Variants in ANKRD36 observed in about 807,000 individuals in gnomAD.
The protein encoded by ANKRD36 is ankyrin repeat domain 36.
A neutral mutation model predicts 278.1 loss-of-function variants in ANKRD36; 179 were observed. The observed-to-expected ratio is 0.64, with a 90% CI of 0.57 to 0.73. The LOEUF is 0.73. Ranked by LOEUF, ANKRD36 falls within the 30% of genes least tolerant of loss-of-function variation. The probability of loss-of-function intolerance (pLI) is 0.00; values close to 1 mark genes in which losing one functional copy is unlikely to be tolerated. For missense variants in ANKRD36, 1,159 were observed against 1,956.7 expected, an observed-to-expected ratio of 0.59 and a Z score of 7.69; for synonymous variants, 320 against 641.1, an observed-to-expected ratio of 0.50 and a Z score of 7.57.
chr2:97,156,398 G>A (rs536624013), intron 15 of ANKRD36, among the ~76,000 whole-genome samples: 2,881 of 137,916 alleles, frequency 0.021, 139 homozygotes, highest in African/African-American at 0.069. Flanking sequence ...AGTCCCCAGA[G>A]TGTGATATTC....
intron 75 of ANKRD36, among the ~76,000 whole-genome samples, chr2:97,262,988 G>C (rs1254963981): frequency 2.8e-5 from 4 of 143,824 alleles, no homozygotes; most frequent in Non-Finnish European, 6.0e-5. Context: ...ACAAAAATTT[G>C]TGTTTTTCCG....
chr2:97,129,527 T>G (rs1037137235), intron 6 of ANKRD36, among the ~76,000 whole-genome samples: 1 of 152,174 alleles, frequency 6.6e-6, no homozygotes, highest in Non-Finnish European at 1.5e-5. Flanking sequence ...TTTGGTGTTT[T>G]AGACGTGAAG....
At position 97,113,288 on chromosome 2, in the gene ANKRD36, G is replaced by A. The variant is rs1484163498; in HGVS notation, c.-452G>A. Among the ~76,000 whole-genome samples, 1 of 152,150 alleles carries A rather than the reference G, an allele frequency of 6.6e-6. No individual in the cohort carries two copies. The highest frequency in any genetic ancestry group is 2.4e-5 in the African/African-American group (1 of 41,460). On this transcript the variant is annotated 5_prime_UTR_variant, in exon 1 of 76. Coordinates refer to ENST00000420699, the MANE Select transcript of ANKRD36 (RefSeq NM_001354587.1). ...ACGCAGTGGCGAAGTGGGGCTGTGG[G>A]CCCAGCGGTGGCACCAGGCGGAGAA... is the stretch of plus-strand genomic sequence containing the variant.
intron 67 of ANKRD36, among the ~76,000 whole-genome samples, chr2:97,225,276 T>C (rs1472121194): frequency 6.6e-6 from 1 of 152,022 alleles, no homozygotes; most frequent in Non-Finnish European, 1.5e-5. Context: ...GTTCAAACTT[T>C]GCAGTTTTTT....
At chr2:97,173,575 C>G (rs1415130636) in intron 22 of ANKRD36, among the ~76,000 whole-genome samples, 3 of 151,740 alleles carry the variant, frequency 2.0e-5, no homozygotes, top group African/African-American at 7.3e-5. Context: ...ATGTCACATA[C>G]AGTGGTGGTG....
chr2:97,162,351 G>A (rs1182697737), intron 18 of ANKRD36, among the ~76,000 whole-genome samples: 2 of 151,944 alleles, frequency 1.3e-5, no homozygotes, highest in African/African-American at 4.8e-5. Flanking sequence ...TAAATTATAA[G>A]CCTAATTTTA....
intron 22 of ANKRD36, among the ~76,000 whole-genome samples, chr2:97,176,223 G>A (rs968131074): frequency 2.6e-5 from 4 of 151,718 alleles, no homozygotes; most frequent in Non-Finnish European, 4.4e-5. Context: ...TGACAGTGGG[G>A]TGTTAAAGTC....
At chr2:97,121,571 G>C (rs1257089389) in intron 3 of ANKRD36, among the ~76,000 whole-genome samples, 1 of 151,972 alleles carries the variant, frequency 6.6e-6, no homozygotes, top group Non-Finnish European at 1.5e-5. Flanking sequence ...GCTTGAATCC[G>C]GGAGGCGGAG....
At chr2:97,167,980 C>G (rs1398452484) in intron 22 of ANKRD36, among the ~76,000 whole-genome samples, 2 of 151,846 alleles carry the variant, frequency 1.3e-5, no homozygotes, top group African/African-American at 4.9e-5. Flanking sequence ...AGCTCAGATG[C>G]TTTTCCTTTT....
chr2:97,209,583 A>C (rs1442731417), intron 54 of ANKRD36, 98 bp from the exon 55 acceptor site: 1 of 1,569,054 alleles, frequency 6.4e-7, no homozygotes, highest in Non-Finnish European at 8.6e-7. Flanking sequence ...CCACTAATAC[A>C]GGCAGGAGGA....
At chr2:97,164,663 C>T (rs2050150787) in intron 20 of ANKRD36, among the ~76,000 whole-genome samples, 194 bp downstream of exon 20, 1 of 152,304 alleles carries the variant, frequency 6.6e-6, no homozygotes, top group African/African-American at 2.4e-5. Context: ...ACGGTGAGCT[C>T]TAGCCCAAAT....
intron 5 of ANKRD36, among the ~76,000 whole-genome samples, chr2:97,125,301 T>C (rs902068420): frequency 2.0e-5 from 3 of 150,444 alleles, no homozygotes; most frequent in Non-Finnish European, 4.4e-5. Flanking sequence ...CACATACTTA[T>C]ATGCTCAGCC....
At chr2:97,129,883 A>G (rs2039621528) in intron 6 of ANKRD36, among the ~76,000 whole-genome samples, 2 of 151,994 alleles carry the variant, frequency 1.3e-5, no homozygotes, top group South Asian at 2.1e-4. Flanking sequence ...GCCTTGTAGT[A>G]TAGTTTGAAG....
intron 64 of ANKRD36, among the ~76,000 whole-genome samples, 172 bp from the exon 65 acceptor site, chr2:97,218,878 T>G (rs568523690): frequency 1.3e-5 from 2 of 151,756 alleles, no homozygotes; most frequent in African/African-American, 2.4e-5. Flanking sequence ...TATTCCTATT[T>G]TCTTCATTGC....
At chr2:97,165,374 C>T (rs1336998227) in intron 20 of ANKRD36, among the ~76,000 whole-genome samples, 1 of 152,104 alleles carries the variant, frequency 6.6e-6, no homozygotes. Flanking sequence ...TAATTAAAAT[C>T]TCTTCATGCT....
At chr2:97,242,594 C>G (rs1431225903) in intron 69 of ANKRD36, among the ~76,000 whole-genome samples, 2 of 145,750 alleles carry the variant, frequency 1.4e-5, no homozygotes, top group Admixed American at 7.0e-5. Context: ...TTAACCTAGT[C>G]TTGGATTACA....
Position 97,113,542 on chromosome 2 carries a change from G to A in ANKRD36, c.-198G>A. ...GCGGTTTCTCTGCCTCGGGCCTGTT[G>A]GGCAGGGCCGGCTAAGGTGCGCGTG... On this transcript the variant is annotated 5_prime_UTR_variant, in exon 1 of 76. Transcript: ENST00000420699. 2 of 642,202 alleles carry A rather than the reference G, an allele frequency of 3.1e-6. No homozygotes were observed. Among genetic ancestry groups the A allele is most frequent in the East Asian group, 3.0e-5 (1 of 33,168 alleles). The allele number at this position is 642,202 out of a possible 1,614,324, so 39.8% of individuals were successfully genotyped here.
chr2:97,169,302 C>G (rs1257205061), intron 22 of ANKRD36, among the ~76,000 whole-genome samples: 1 of 152,296 alleles, frequency 6.6e-6, no homozygotes, highest in Non-Finnish European at 1.5e-5. Flanking sequence ...GTTGTTTGTT[C>G]TTTTCTCATA....
intron 67 of ANKRD36, among the ~76,000 whole-genome samples, chr2:97,226,583 C>G (rs1212915143): frequency 6.6e-6 from 1 of 151,904 alleles, no homozygotes; most frequent in Non-Finnish European, 1.5e-5. Flanking sequence ...GTTGCCTGTT[C>G]ACTCTGATGG....
Sources: gnomAD v4.1 joint callset for allele counts (sites outside exome capture counted in the v4.1 genomes callset) on GRCh38, gnomAD v4.1.1 for gene constraint, MANE v1.5 for transcripts, NCBI Gene and HGNC (gene_info 2026-07-23, HGNC 2026-07-21) for gene names.